Variants in FAT4 observed in about 807,000 individuals in gnomAD.
FAT4 encodes the protein protocadherin Fat 4.
Under a neutral mutation model 303.9 loss-of-function variants are expected in FAT4, and 84 were observed. The observed-to-expected ratio is 0.28, with a 90% CI of 0.23 to 0.33. FAT4 has a LOEUF of 0.33. FAT4 is among the 10% of genes least tolerant of loss of function. The probability of loss-of-function intolerance (pLI) is 1.00; values close to 1 mark genes in which losing one functional copy is unlikely to be tolerated. For synonymous variants in FAT4, 2,307 were observed against 2,298.8 expected, an observed-to-expected ratio of 1.00 and a Z score of -0.10; for missense variants, 6,005 against 6,146.8, an observed-to-expected ratio of 0.98 and a Z score of 0.77.
At position 125,452,452 on chromosome 4, in the gene FAT4, G is replaced by C; in HGVS notation, c.11442G>C (p.Gln3814His). 1 of 1,614,004 alleles carries C rather than the reference G, an allele frequency of 6.2e-7. No homozygotes were observed. Among genetic ancestry groups the C allele is most frequent in the Non-Finnish European group, 8.5e-7 (1 of 1,180,024 alleles). Residue 3814 changes from glutamine (Q) to histidine (H), a missense_variant, in exon 10 of 18, where the codon CAG becomes CAC. Coordinates refer to ENST00000394329, the MANE Select transcript of FAT4 (RefSeq NM_001291303.3). ...DHDSCVHGPC[Q>H]NGGSCLRRLA... Reference sequence around the variant, plus strand: ...ACTCCTGTGTGCATGGCCCATGTCAGAATGGAGGGAGCTGTCTACGAAGAT... The same window carrying C: ...ACTCCTGTGTGCATGGCCCATGTCACAATGGAGGGAGCTGTCTACGAAGAT...
chr4:125,416,570 G>C lies in FAT4; in HGVS notation c.6966G>C (p.Leu2322=), dbSNP rs775462644. The C allele has an allele frequency of 2.5e-6, 4 of 1,613,802 alleles. No homozygotes were observed. In the South Asian group the frequency reaches 4.4e-5, roughly 18 times the overall value. Residue 2322 remains leucine (L), a synonymous_variant, in exon 7 of 18, where the codon CTG becomes CTC. Coordinates refer to ENST00000394329, the MANE Select transcript of FAT4 (RefSeq NM_001291303.3). The part of the protein sequence containing the change: ...ASGELGVTQS[L]DRETKERFVL... ...GAGAACTTGGAGTAACACAGAGTCTGGATCGGGAAACAAAAGAGCGCTTTG... is the reference window on the plus strand; with the variant it reads ...GAGAACTTGGAGTAACACAGAGTCTCGATCGGGAAACAAAAGAGCGCTTTG...
At chr4:125,481,033 A>G (rs1727206360) in intron 15 of FAT4, among the ~76,000 whole-genome samples, 1 of 152,114 alleles carries the variant, frequency 6.6e-6, no homozygotes, top group Non-Finnish European at 1.5e-5. Flanking sequence ...GATAAATTAT[A>G]TGTGATGATT....
chr4:125,409,457 T>C (rs1734762684), intron 5 of FAT4, among the ~76,000 whole-genome samples: 1 of 152,126 alleles, frequency 6.6e-6, no homozygotes, highest in Non-Finnish European at 1.5e-5. Context: ...GGTTTCTCCA[T>C]GTTGGTCAGG....
intron 2 of FAT4, among the ~76,000 whole-genome samples, chr4:125,394,654 G>T (rs547210120): frequency 6.6e-6 from 1 of 152,032 alleles, no homozygotes; most frequent in Non-Finnish European, 1.5e-5. Context: ...TTCAATTCTT[G>T]TGTTTTATAT....
At chr4:125,489,169 C>T (rs534523220) in intron 17 of FAT4, among the ~76,000 whole-genome samples, 2 of 152,180 alleles carry the variant, frequency 1.3e-5, no homozygotes, top group South Asian at 2.1e-4. Flanking sequence ...ATGGAAATTA[C>T]GCTTTTTGTA....
Position 125,449,257 on chromosome 4 carries a change from C to G in FAT4, c.8247C>G (p.Asp2749Glu), listed in dbSNP as rs1725949849. 1 of 1,613,938 alleles carries G rather than the reference C, an allele frequency of 6.2e-7. No homozygotes were observed. The highest frequency in any genetic ancestry group is 8.5e-7 in the Non-Finnish European group (1 of 1,179,898). Reference sequence around the variant, plus strand: ...ATGTCCTAACCATAAAATCATCAGACAAAGGGTCCCCGTCTCAGAGTACTT... The same window carrying G: ...ATGTCCTAACCATAAAATCATCAGAGAAAGGGTCCCCGTCTCAGAGTACTT... ...SHYVLTIKSS[D>E]KGSPSQSTSV... Residue 2749 changes from aspartate to glutamate, a missense_variant, in exon 10 of 18, where the codon GAC (aspartate) becomes GAG (glutamate). Physicochemically the swap from Asp to Glu is conservative, Grantham distance 45. Transcript: ENST00000394329.
In FAT4 at chr4:125,479,741, A is replaced by G. The variant is rs1158206493; in HGVS notation, c.12480A>G (p.Gln4160=). The change falls in exon 15 of 18, where the codon CAA becomes CAG. Residue 4160 remains glutamine, a splice_region_variant and synonymous_variant. Coordinates refer to ENST00000394329, the MANE Select transcript of FAT4 (RefSeq NM_001291303.3). ...TTGTTCTCATTATGATTTATTTTAG[A>G]TGCCCTAGGCTGGAAGGCGCTTGTA... is the stretch of plus-strand genomic sequence containing the variant. ...QALAAQGILD[Q]CPRLEGACTR... is the part of the protein sequence containing the mutation. The G allele has an allele frequency of 1.9e-6, 3 of 1,580,320 alleles. No homozygotes were observed. The African/African-American group carries it at 4.0e-5, about 21-fold the overall frequency.
chr4:125,473,656 G>A (rs1726935312), intron 12 of FAT4, among the ~76,000 whole-genome samples: 1 of 151,900 alleles, frequency 6.6e-6, no homozygotes, highest in Non-Finnish European at 1.5e-5. Flanking sequence ...CCATATTTCT[G>A]ATATGTTGTC....
intron 2 of FAT4, among the ~76,000 whole-genome samples, chr4:125,342,147 A>C (rs1238944951): frequency 2.0e-5 from 3 of 152,000 alleles, no homozygotes; most frequent in Non-Finnish European, 4.4e-5. Context: ...TAAGTTTATG[A>C]TTATCCCAAT....
chr4:125,330,970 G>A lies in FAT4; in HGVS notation c.5175+9384G>A, dbSNP rs186220959. 2.7e-3 allele frequency among the ~76,000 whole-genome samples: 409 copies of A among 152,228 alleles called. 3 individuals carry two copies. Among genetic ancestry groups the A allele is most frequent in the African/African-American group, 8.8e-3 (366 of 41,542 alleles). On this transcript the variant is annotated intron_variant, in intron 2 of 17. Transcript: ENST00000394329. ...AGAGCTCCAGGCCCCAGCCTCAGGC[G>A]CCCCTCCTTAGGGTCTTTGTGGCAG... is the stretch of plus-strand genomic sequence containing the variant.
intron 11 of FAT4, among the ~76,000 whole-genome samples, chr4:125,466,134 T>C (rs1726654369): frequency 6.6e-6 from 1 of 152,174 alleles, no homozygotes. Context: ...GATTTTTTAA[T>C]TTAAATTACA....
At chr4:125,321,660 T>C in intron 2 of FAT4, 74 bp downstream of exon 2, 1 of 1,365,168 alleles carries the variant, frequency 7.3e-7, no homozygotes, top group Non-Finnish European at 9.8e-7. Context: ...ATTTACTCTC[T>C]ATAATTGTTT....
At chr4:125,441,057 C>T (rs1489727977) in intron 8 of FAT4, among the ~76,000 whole-genome samples, 3 of 152,148 alleles carry the variant, frequency 2.0e-5, no homozygotes, top group Non-Finnish European at 4.4e-5. Context: ...AATTAACTCA[C>T]TTCCACGCCT....
chr4:125,465,922 C>T (rs1188243845), intron 11 of FAT4, among the ~76,000 whole-genome samples: 1 of 152,102 alleles, frequency 6.6e-6, no homozygotes, highest in Non-Finnish European at 1.5e-5. Context: ...TTTTTGTTCT[C>T]AAATGGAATG....
Position 125,318,440 on chromosome 4 carries a change from G to T in FAT4, c.2029G>T (p.Val677Leu), listed in dbSNP as rs762304568. 6.2e-7 allele frequency: 1 copy of T among 1,614,182 alleles called. No individual in the cohort carries two copies. Among genetic ancestry groups the T allele is most frequent in the Admixed American group, 1.7e-5 (1 of 60,028 alleles). ...PPQSSMARINVSLLDINDNSP... is the reference protein window; with the variant it reads ...PPQSSMARINLSLLDINDNSP... ...CCAGTCATCAATGGCTCGCATAAAT[G>T]TGAGTCTTCTGGATATAAATGATAA... Residue 677 changes from valine to leucine, a missense_variant, in exon 2 of 18, where the codon GTG becomes TTG. Val to Leu is a conservative substitution (Grantham distance 32). Transcript: ENST00000394329.
At chr4:125,483,669 T>G (rs540062952) in intron 16 of FAT4, among the ~76,000 whole-genome samples, 7 of 151,852 alleles carry the variant, frequency 4.6e-5, no homozygotes, top group African/African-American at 1.7e-4. Flanking sequence ...AATAAAAAAA[T>G]GAATAATACA....
chr4:125,334,768 C>A (rs561552587), intron 2 of FAT4, among the ~76,000 whole-genome samples: 1 of 152,158 alleles, frequency 6.6e-6, no homozygotes, highest in Non-Finnish European at 1.5e-5. Flanking sequence ...ATTTTCCTCA[C>A]CAGTAGCTGT....
In FAT4 at chr4:125,356,842, A is replaced by T. The variant is rs187866011; in HGVS notation, c.5175+35256A>T. ...AGATAATATAATAGAAATCATAGAT[A>T]TCTGTATATCAATAGATACAGACTA... is the stretch of plus-strand genomic sequence containing the variant. On this transcript the variant is annotated intron_variant, in intron 2 of 17. Coordinates refer to ENST00000394329, the MANE Select transcript of FAT4 (RefSeq NM_001291303.3). 1.1e-3 allele frequency among the ~76,000 whole-genome samples: 169 copies of T among 151,206 alleles called. 1 individual carries two copies. Among genetic ancestry groups the T allele is most frequent in the African/African-American group, 3.8e-3 (156 of 41,392 alleles).
At chr4:125,323,399 G>A (rs1731031756) in intron 2 of FAT4, among the ~76,000 whole-genome samples, 1 of 152,116 alleles carries the variant, frequency 6.6e-6, no homozygotes, top group Admixed American at 6.6e-5. Context: ...GTTATTAATA[G>A]GGGATGATTT....
Sources: gnomAD v4.1 joint callset for allele counts (sites outside exome capture counted in the v4.1 genomes callset) on GRCh38, gnomAD v4.1.1 for gene constraint, MANE v1.5 for transcripts, NCBI Gene and HGNC (gene_info 2026-07-23, HGNC 2026-07-21) for gene names.